Variants in TWSG1 observed in about 807,000 individuals in gnomAD.
TWSG1 encodes twisted gastrulation BMP signaling modulator 1.
Under a neutral mutation model 23.0 loss-of-function variants are expected in TWSG1, and 15 were observed. The observed-to-expected ratio is 0.65, with a 90% confidence interval of 0.44 to 1.00. The LOEUF is 1.00. Ranked by LOEUF, TWSG1 falls within the 50% of genes least tolerant of loss-of-function variation. TWSG1 has a pLI of 0.00. For synonymous variants in TWSG1, 86 were observed against 92.8 expected, an observed-to-expected ratio of 0.93 and a Z score of 0.42; for missense variants, 242 against 278.7, an observed-to-expected ratio of 0.87 and a Z score of 0.94.
chr18:9,335,217 C>G (rs964249953), intron 1 of TWSG1, among the ~76,000 whole-genome samples: 3 of 152,152 alleles, frequency 2.0e-5, no homozygotes, highest in Non-Finnish European at 4.4e-5. Flanking sequence ...TCCGGGTGCC[C>G]GGTCCCCCAC....
chr18:9,350,851 A>C (rs1320641447), intron 2 of TWSG1, among the ~76,000 whole-genome samples: 1 of 152,166 alleles, frequency 6.6e-6, no homozygotes, highest in African/African-American at 2.4e-5. Flanking sequence ...AAAGAGTATT[A>C]TGGCAAAACA....
At chr18:9,354,990 C>G (rs1246425096) in intron 2 of TWSG1, among the ~76,000 whole-genome samples, 1 of 151,698 alleles carries the variant, frequency 6.6e-6, no homozygotes, top group Non-Finnish European at 1.5e-5. Context: ...GAGTCTCGCT[C>G]TGTTGTCCAG....
intron 2 of TWSG1, among the ~76,000 whole-genome samples, chr18:9,351,233 A>G (rs1345136815): frequency 2.0e-5 from 3 of 152,112 alleles, no homozygotes; most frequent in Non-Finnish European, 4.4e-5. Flanking sequence ...TTATAAAAAT[A>G]TATTTTCTAC....
intron 3 of TWSG1, among the ~76,000 whole-genome samples, chr18:9,382,540 G>A (rs932792403): frequency 4.0e-5 from 6 of 150,584 alleles, no homozygotes; most frequent in Middle Eastern, 7.0e-3. Context: ...AAGGCTGGGT[G>A]CGGTGGCTCA....
intron 2 of TWSG1, among the ~76,000 whole-genome samples, chr18:9,347,679 A>G (rs1355397626): frequency 9.2e-5 from 14 of 151,860 alleles, no homozygotes; most frequent in Non-Finnish European, 7.4e-5. Flanking sequence ...CTATCCCATC[A>G]TACCTTCTTA....
intron 3 of TWSG1, among the ~76,000 whole-genome samples, chr18:9,371,763 A>G (rs1370452675): frequency 3.0e-5 from 4 of 134,916 alleles, no homozygotes; most frequent in African/African-American, 1.1e-4. Context: ...AAAGTGAAAC[A>G]TTTTTATTCT....
intron 3 of TWSG1, among the ~76,000 whole-genome samples, chr18:9,371,420 C>G (rs994723294): frequency 6.6e-6 from 1 of 151,864 alleles, no homozygotes; most frequent in Non-Finnish European, 1.5e-5. Context: ...CCTCATCCTC[C>G]CGAGTAGCTA....
At chr18:9,378,273 G>A (rs2040640284) in intron 3 of TWSG1, among the ~76,000 whole-genome samples, 1 of 152,116 alleles carries the variant, frequency 6.6e-6, no homozygotes, top group Non-Finnish European at 1.5e-5. Flanking sequence ...AGAGCAATGA[G>A]GCAAGAGAAA....
chr18:9,371,303 T>C lies in TWSG1; in HGVS notation c.223+11232T>C, dbSNP rs1044217799. ...TAAAGGATTTTAGAAATCACTTTTT[T>C]TTTTTTTTTTTGAGATGGAGTCTTG... On this transcript the variant is annotated intron_variant, in intron 3 of 4. Coordinates refer to ENST00000262120, the MANE Select transcript of TWSG1 (RefSeq NM_020648.6). 2.0e-5 allele frequency among the ~76,000 whole-genome samples: 3 copies of C among 151,626 alleles called. No homozygotes were observed. In the East Asian group the frequency reaches 5.8e-4, roughly 29 times the overall value.
intron 2 of TWSG1, among the ~76,000 whole-genome samples, chr18:9,339,322 C>G (rs1395755211): frequency 6.6e-6 from 1 of 152,016 alleles, no homozygotes; most frequent in African/African-American, 2.4e-5. Flanking sequence ...GTTTGTTTGA[C>G]TCTTTAAAAA....
chr18:9,366,566 T>G (rs1318498460), intron 3 of TWSG1, among the ~76,000 whole-genome samples: 1 of 152,224 alleles, frequency 6.6e-6, no homozygotes, highest in East Asian at 1.9e-4. Context: ...TCTTGGCATC[T>G]TCCTTTTGGA....
At chr18:9,338,406 A>G (rs950074779) in intron 2 of TWSG1, among the ~76,000 whole-genome samples, 2 of 152,214 alleles carry the variant, frequency 1.3e-5, no homozygotes, top group African/African-American at 4.8e-5. Context: ...GAAGAATATA[A>G]TGAACCATCC....
chr18:9,375,067 T>C (rs1040067595), intron 3 of TWSG1, among the ~76,000 whole-genome samples: 1 of 150,276 alleles, frequency 6.7e-6, no homozygotes. Flanking sequence ...CTCAGGAGGC[T>C]GAGGCAGGAG....
intron 3 of TWSG1, among the ~76,000 whole-genome samples, chr18:9,364,880 T>C: frequency 6.6e-6 from 1 of 152,356 alleles, no homozygotes; most frequent in South Asian, 2.1e-4. Flanking sequence ...GCTGGAATTT[T>C]TCTGTATAAT....
chr18:9,337,495 A>T, intron 2 of TWSG1, 143 bp downstream of exon 2: 1 of 856,752 alleles, frequency 1.2e-6, no homozygotes, highest in Non-Finnish European at 1.7e-6. Flanking sequence ...ATCATGACAC[A>T]CAGGTCTGGA....
chr18:9,362,005 T>C (rs998787296), intron 3 of TWSG1, among the ~76,000 whole-genome samples: 1 of 152,196 alleles, frequency 6.6e-6, no homozygotes, highest in African/African-American at 2.4e-5. Context: ...AGTTAGTGTT[T>C]CCATTTCTTG....
At chr18:9,370,380 G>C (rs978878406) in intron 3 of TWSG1, among the ~76,000 whole-genome samples, 11 of 151,628 alleles carry the variant, frequency 7.3e-5, no homozygotes, top group Non-Finnish European at 1.6e-4. Context: ...CCTCTACCTA[G>C]TTTTAGATAC....
At chr18:9,353,749 C>T (rs1031943261) in intron 2 of TWSG1, among the ~76,000 whole-genome samples, 14 of 152,332 alleles carry the variant, frequency 9.2e-5, no homozygotes, top group Non-Finnish European at 1.9e-4. Context: ...CATGAAACCA[C>T]TCATTCTCAG....
chr18:9,354,614 G>T (rs1404149587), intron 2 of TWSG1, among the ~76,000 whole-genome samples: 1 of 152,226 alleles, frequency 6.6e-6, no homozygotes, highest in Non-Finnish European at 1.5e-5. Flanking sequence ...TGGACAAGGT[G>T]TGGAAAGGAT....
Sources: gnomAD v4.1 joint callset for allele counts (sites outside exome capture counted in the v4.1 genomes callset) on GRCh38, gnomAD v4.1.1 for gene constraint, MANE v1.5 for transcripts, NCBI Gene and HGNC (gene_info 2026-07-23, HGNC 2026-07-21) for gene names.